ZNF618: variants seen among roughly 807,000 people sequenced by gnomAD.
ZNF618 encodes the protein zinc finger protein 618, also known as neural precursor cell expressed, developmentally down-regulated 10.
A neutral mutation model predicts 103.0 loss-of-function variants in ZNF618; 34 were observed. That is an observed-to-expected ratio of 0.33 (90% CI 0.25 to 0.44). The LOEUF is 0.44. ZNF618 is among the 20% of genes least tolerant of loss of function. The probability of loss-of-function intolerance (pLI) is 1.00; values close to 1 mark genes in which losing one functional copy is unlikely to be tolerated. For synonymous variants in ZNF618, 551 were observed against 542.2 expected (o/e 1.02, Z -0.23); for missense variants, 1,059 against 1,295.4 (o/e 0.82, Z 2.80).
At chr9:114,039,849 T>C (rs1844978784) in intron 13 of ZNF618, among the ~76,000 whole-genome samples, 1 of 152,286 alleles carries the variant, frequency 6.6e-6, no homozygotes, top group African/African-American at 2.4e-5. Context: ...CTGTCAGAAA[T>C]ACCTGCTTTC....
rs1845812116 is a variant in ZNF618, at chr9:114,048,036, T to C, written c.1348+42T>C. ...AGGGCTGGACCTGAGGGTCCCCTTA[T>C]GCTCCAGTTGTTCCTCTCTGCCCCC... On this transcript the variant is annotated intron_variant, in intron 14 of 14. Transcript: ENST00000374126. The C allele has an allele frequency of 5.3e-6, 8 of 1,504,310 alleles. No homozygotes were observed. The Admixed American group carries it at 7.9e-5, about 15-fold the overall frequency. 93.2% of individuals were successfully genotyped at this position (1,504,310 alleles called of 1,614,324 possible). A position where few individuals can be genotyped will look rare whatever the true frequency, so the allele number is the denominator to read the frequency against.
chr9:113,959,999 A>G (rs190402293), intron 1 of ZNF618, among the ~76,000 whole-genome samples: 2 of 152,256 alleles, frequency 1.3e-5, no homozygotes, highest in African/African-American at 2.4e-5. Flanking sequence ...AGGTCTGTGC[A>G]TGAAGGAAAC....
chr9:113,966,834 GTC>G (rs994899743), intron 1 of ZNF618, among the ~76,000 whole-genome samples: 4 of 152,194 alleles, frequency 2.6e-5, no homozygotes, highest in African/African-American at 4.8e-5. Flanking sequence ...CACCACCTGA[GTC>G]TCTGCAAAAG....
At position 113,965,108 on chromosome 9, in the gene ZNF618, C is replaced by T. The variant is rs371393502; in HGVS notation, c.34-4009C>T. On this transcript the variant is annotated intron_variant, in intron 1 of 14. Transcript: ENST00000374126. ...TGGATTTATTTCCAATATTCCTGCT[C>T]GGCTTTTCAATTTCCTCAGTTATTA... Among the ~76,000 whole-genome samples the T allele has an allele frequency of 1.0e-3, 152 of 151,052 alleles. 1 individual carries two copies. The highest frequency in any genetic ancestry group is 9.2e-4 in the Admixed American group (14 of 15,146).
chr9:114,017,342 G>A (rs574197588), intron 10 of ZNF618, among the ~76,000 whole-genome samples: 3 of 152,120 alleles, frequency 2.0e-5, no homozygotes, highest in African/African-American at 4.8e-5. Context: ...GGCAGGCTGC[G>A]TCCTGACCCT....
At chr9:113,910,544 A>G (rs905077803) in intron 1 of ZNF618, among the ~76,000 whole-genome samples, 12 of 152,166 alleles carry the variant, frequency 7.9e-5, no homozygotes, top group Admixed American at 5.2e-4. Flanking sequence ...GGACGTCTTC[A>G]TGGGCATGCA....
At chr9:113,886,554 G>A (rs1001810068) in intron 1 of ZNF618, among the ~76,000 whole-genome samples, 2 of 152,040 alleles carry the variant, frequency 1.3e-5, no homozygotes, top group African/African-American at 4.8e-5. Flanking sequence ...GTTTATGTGG[G>A]TGTTTCTTAA....
chr9:113,976,648 TCTC>T (rs1004360459), intron 2 of ZNF618, among the ~76,000 whole-genome samples: 9 of 152,234 alleles, frequency 5.9e-5, no homozygotes, highest in Admixed American at 1.3e-4. Context: ...GTCTCCCGTC[TCTC>T]CTCCTCACTG....
At chr9:113,879,332 T>C (rs1460511927) in intron 1 of ZNF618, among the ~76,000 whole-genome samples, 6 of 151,910 alleles carry the variant, frequency 3.9e-5, no homozygotes, top group Admixed American at 3.9e-4. Context: ...AATTTTGTTC[T>C]GTTGTCTATG....
chr9:113,927,082 C>G (rs9942975), intron 1 of ZNF618, among the ~76,000 whole-genome samples: 75,592 of 152,022 alleles, frequency 0.5, 19,152 homozygotes, highest in Non-Finnish European at 0.55. Context: ...TCTGATGCCT[C>G]TTACTGTAGC....
intron 1 of ZNF618, among the ~76,000 whole-genome samples, chr9:113,951,440 T>TATACAC (rs1554732871): frequency 6.8e-5 from 2 of 29,464 alleles, no homozygotes; most frequent in African/African-American, 9.0e-5. Context: ...TGTATATATA[T>TATACAC]ACATATATGT....
At chr9:114,039,980 C>T (rs1022142590) in intron 13 of ZNF618, among the ~76,000 whole-genome samples, 13 of 150,922 alleles carry the variant, frequency 8.6e-5, no homozygotes, top group African/African-American at 3.2e-4. Flanking sequence ...CCGAGGAAAC[C>T]TTATTTTCAT....
rs33967417 is a variant in ZNF618, at chr9:113,951,577, A to ATGTGTGTG, written c.34-17526_34-17519dup. Reference sequence around the variant, plus strand: ...TGTGTGTGTATATGTGTGTGTGTATATGTGTGTGTGTGTGTGTGTGTATAT... The same window carrying ATGTGTGTG: ...TGTGTGTGTATATGTGTGTGTGTATATGTGTGTGTGTGTGTGTGTGTGTGTGTGTATAT... On this transcript the variant is annotated intron_variant, in intron 1 of 14. Coordinates refer to ENST00000374126, the MANE Select transcript of ZNF618 (RefSeq NM_001318042.2). Among the ~76,000 whole-genome samples, 53 of 49,128 alleles carry ATGTGTGTG rather than the reference A, an allele frequency of 1.1e-3. 10 individuals are homozygous for ATGTGTGTG. Among genetic ancestry groups the ATGTGTGTG allele is most frequent in the African/African-American group, 3.4e-3 (53 of 15,456 alleles). 32.2% of individuals were successfully genotyped at this position (49,128 alleles called of 152,430 possible). A position where few individuals can be genotyped will look rare whatever the true frequency, so the allele number is the denominator to read the frequency against.
chr9:113,947,434 CAT>C (rs1835148556), intron 1 of ZNF618, among the ~76,000 whole-genome samples: 1 of 152,180 alleles, frequency 6.6e-6, no homozygotes, highest in African/African-American at 2.4e-5. Context: ...GTACTCATGA[CAT>C]ATGACACCAG....
chr9:113,972,291 C>T (rs1838044069), intron 2 of ZNF618, among the ~76,000 whole-genome samples: 1 of 152,202 alleles, frequency 6.6e-6, no homozygotes, highest in South Asian at 2.1e-4. Flanking sequence ...TCTAGTGATG[C>T]ACCCATCTTG....
intron 1 of ZNF618, among the ~76,000 whole-genome samples, chr9:113,901,498 T>C (rs541668465): frequency 2.0e-5 from 3 of 152,320 alleles, no homozygotes; most frequent in South Asian, 2.1e-4. Context: ...TCTAACAAAA[T>C]GCTGACAACT....
intron 1 of ZNF618, among the ~76,000 whole-genome samples, chr9:113,951,402 C>CACACACACATATAT (rs1564206554): frequency 1.5e-4 from 5 of 33,558 alleles, no homozygotes; most frequent in Admixed American, 2.9e-4. Flanking sequence ...TATATATATA[C>CACACACACATATAT]GTATATATAC....
At chr9:113,876,507 T>G (rs1179815218) in intron 1 of ZNF618, 94 bp downstream of exon 1, 1 of 1,005,318 alleles carries the variant, frequency 9.9e-7, no homozygotes, top group African/African-American at 1.7e-5. Flanking sequence ...ATTTGCAAAA[T>G]GCAAAGTGCC....
chr9:114,050,454 A>G lies in ZNF618; in HGVS notation c.*287A>G, dbSNP rs1269660358. 9.5e-5 allele frequency: 29 copies of G among 305,720 alleles called. 1 individual carries two copies. Among genetic ancestry groups the G allele is most frequent in the African/African-American group, 2.8e-4 (13 of 45,934 alleles). The allele number at this position is 305,720 out of a possible 1,614,324, so 18.9% of individuals were successfully genotyped here. A position where few individuals can be genotyped will look rare whatever the true frequency, so the allele number is the denominator to read the frequency against. On this transcript the variant is annotated 3_prime_UTR_variant, in exon 15 of 15. Coordinates refer to ENST00000374126, the MANE Select transcript of ZNF618 (RefSeq NM_001318042.2). ...ACTTTGCACACACGCACACACACAC[A>G]CACACACACACACACACACACGACC...
Sources: gnomAD v4.1 joint callset for allele counts (sites outside exome capture counted in the v4.1 genomes callset) on GRCh38, gnomAD v4.1.1 for gene constraint, MANE v1.5 for transcripts, NCBI Gene and HGNC (gene_info 2026-07-23, HGNC 2026-07-21) for gene names.